Variants in SSBP4 observed in about 807,000 individuals in gnomAD.
SSBP4 encodes single stranded DNA binding protein 4, also known as single-stranded DNA-binding protein 4.
Under a neutral mutation model 64.6 loss-of-function variants are expected in SSBP4, and 33 were observed. The ratio of observed to expected loss-of-function variants is 0.51; its 90% CI spans 0.39 to 0.68. The LOEUF (loss-of-function observed/expected upper bound fraction) is 0.68. SSBP4 is among the 30% of genes least tolerant of loss of function. The probability of loss-of-function intolerance (pLI) is 0.00; values close to 1 mark genes in which losing one functional copy is unlikely to be tolerated. For synonymous variants in SSBP4, 243 were observed against 224.0 expected (o/e 1.08, Z -0.76); for missense variants, 583 against 566.8 (o/e 1.03, Z -0.29).
intron 4 of SSBP4, among the ~76,000 whole-genome samples, chr19:18,428,449 G>A (rs116198602): frequency 1.3e-3 from 200 of 152,290 alleles, no homozygotes; most frequent in African/African-American, 4.7e-3. Flanking sequence ...CAGGTATCTG[G>A]AGCTGCCCAC....
rs527720449 is a variant in SSBP4 at position 18,429,247 on chromosome 19, CG to C, written c.279+1273del. Among the ~76,000 whole-genome samples the C allele has an allele frequency of 7.7e-3, 1,151 of 149,900 alleles. 12 individuals are homozygous for C. The highest frequency in any genetic ancestry group is 0.013 in the African/African-American group (516 of 40,754). ...CGCCCTCCGAGGCGGGGGAGGGGGG[CG>C]GGGGGGGCTCTGTTCGCCCCTCCCC... is the stretch of plus-strand genomic sequence containing the variant. On this transcript the variant is annotated intron_variant, in intron 4 of 17. Coordinates refer to ENST00000270061, the MANE Select transcript of SSBP4 (RefSeq NM_032627.5).
chr19:18,431,395 C>T lies in SSBP4; in HGVS notation c.412C>T (p.Pro138Ser). ...SQPSPHNPNAPMMGPHGQPFM... is the reference protein window; with the variant it reads ...SQPSPHNPNASMMGPHGQPFM... ...GCCGTCCCCCCACAACCCCAACGCC[C>T]CCATGATGGGGCCTCACGGTCAGGT... Residue 138 changes from proline (P) to serine (S), a missense_variant, in exon 6 of 18, where the codon CCC becomes TCC. Physicochemically the swap from Pro to Ser is moderately conservative, Grantham distance 74. Coordinates refer to ENST00000270061, the MANE Select transcript of SSBP4 (RefSeq NM_032627.5). 1 of 1,511,554 alleles carries T rather than the reference C, an allele frequency of 6.6e-7. No homozygotes were observed. The highest frequency in any genetic ancestry group is 8.9e-7 in the Non-Finnish European group (1 of 1,119,428). 93.6% of individuals were successfully genotyped at this position (1,511,554 alleles called of 1,614,324 possible).
rs937856181 is a variant in SSBP4 at position 18,426,269 on chromosome 19, G to A, written c.60-1082G>A. Among the ~76,000 whole-genome samples the A allele has an allele frequency of 1.3e-5, 2 of 152,186 alleles. No homozygotes were observed. Among genetic ancestry groups the A allele is most frequent in the African/African-American group, 2.4e-5 (1 of 41,426 alleles). On this transcript the variant is annotated intron_variant, in intron 1 of 17. Coordinates refer to ENST00000270061, the MANE Select transcript of SSBP4 (RefSeq NM_032627.5). This position sits in a 1 kb window ranked among gnomAD's most constrained non-coding sequence, Gnocchi z 4.5. ...GATGGGGCCCGCAGCCAGAGAGGGCGGCGCAGCTGAGCTGGAGGCGGCTGT... is the reference window on the plus strand; with the variant it reads ...GATGGGGCCCGCAGCCAGAGAGGGCAGCGCAGCTGAGCTGGAGGCGGCTGT...
At chr19:18,417,575 G>C (rs1171473132), upstream of SSBP4, among the ~76,000 whole-genome samples, 4 of 152,178 alleles carry the variant, frequency 2.6e-5, no homozygotes, top group East Asian at 5.8e-4. This position sits in a 1 kb window ranked among gnomAD's most constrained non-coding sequence, Gnocchi z 5.4. Context: ...GAGTGACCTG[G>C]ACGCCGAAGC....
intron 4 of SSBP4, among the ~76,000 whole-genome samples, chr19:18,429,247 C>T (rs1239785590): frequency 6.7e-6 from 1 of 149,902 alleles, no homozygotes; most frequent in African/African-American, 2.5e-5. Flanking sequence ...GGGAGGGGGG[C>T]GGGGGGGGCT....
intron 4 of SSBP4, among the ~76,000 whole-genome samples, chr19:18,429,003 GAGAGTCGGCGTGAACGCGCTTCCC>G (rs1027018765): frequency 2.8e-4 from 42 of 152,216 alleles, no homozygotes; most frequent in Non-Finnish European, 8.8e-5. Flanking sequence ...GGCGGAGCTG[GAGAGTCGGCGTGAACGCGCTTCCC>G]AGGCGCGCAG....
chr19:18,408,010 G>T, the SSBP4 span, among the ~76,000 whole-genome samples: 1 of 152,192 alleles, frequency 6.6e-6, no homozygotes, highest in Non-Finnish European at 1.5e-5. Flanking sequence ...CTCCCAGAGT[G>T]CTGGGACTAC....
intron 10 of SSBP4, 53 bp from the exon 11 acceptor site, chr19:18,432,506 G>A: frequency 1.3e-6 from 2 of 1,530,708 alleles, no homozygotes; most frequent in Non-Finnish European, 8.8e-7. Context: ...TGTGGTGAGG[G>A]CTGTGATCCA....
At chr19:18,428,141 G>A (rs1335833861) in intron 4 of SSBP4, among the ~76,000 whole-genome samples, 159 bp downstream of exon 4, 1 of 152,100 alleles carries the variant, frequency 6.6e-6, no homozygotes, top group Non-Finnish European at 1.5e-5. Context: ...TCAGGCTCTT[G>A]GCCACTTTTG....
chr19:18,433,756 C>T lies in SSBP4; in HGVS notation c.1067C>T (p.Pro356Leu). The change falls in exon 17 of 18, where the codon CCG becomes CTG. Residue 356 changes from proline to leucine, a missense_variant. Coordinates refer to ENST00000270061, the MANE Select transcript of SSBP4 (RefSeq NM_032627.5). ...GGCCTGAGCAACGCCCCGGGCACCC[C>T]GCGGGACGACGGCGAGATGGCGGCC... ...VAGLSNAPGT[P>L]RDDGEMAAAG... The T allele has an allele frequency of 2.8e-6, 4 of 1,435,568 alleles. No homozygotes were observed. The highest frequency in any genetic ancestry group is 3.6e-6 in the Non-Finnish European group (4 of 1,101,116). 88.9% of individuals were successfully genotyped at this position (1,435,568 alleles called of 1,614,324 possible).
At chr19:18,433,937 G>C in intron 17 of SSBP4, 120 bp downstream of exon 17, 1 of 1,247,292 alleles carries the variant, frequency 8.0e-7, no homozygotes, top group Non-Finnish European at 1.0e-6. Flanking sequence ...GGCCAGGTGG[G>C]GGGGCGGCCG....
chr19:18,418,793 G>A (rs1422268243), upstream of SSBP4: 2 of 196,008 alleles, frequency 1.0e-5, no homozygotes, highest in Non-Finnish European at 1.9e-5. This position sits in a 1 kb window ranked among gnomAD's most constrained non-coding sequence, Gnocchi z 6.7. Context: ...CGTGGGCTCT[G>A]TCCACGGCTG....
At chr19:18,430,354 C>T (rs944561505) in intron 4 of SSBP4, among the ~76,000 whole-genome samples, 1 of 152,180 alleles carries the variant, frequency 6.6e-6, no homozygotes, top group Non-Finnish European at 1.5e-5. Context: ...AGCACCCTGT[C>T]TTGTCGCCTT....
Position 18,434,346 on chromosome 19 carries a change from T to C in SSBP4, c.*100T>C, listed in dbSNP as rs1973833985. On this transcript the variant is annotated 3_prime_UTR_variant, in exon 18 of 18. Coordinates refer to ENST00000270061, the MANE Select transcript of SSBP4 (RefSeq NM_032627.5). ...GTCACACCTCGGGCACCTGGACTCC[T>C]GGCCAATCAAGGCTTGCCCAGCTGG... The C allele has an allele frequency of 2.6e-6, 4 of 1,530,752 alleles. No individual in the cohort carries two copies. The highest frequency in any genetic ancestry group is 3.5e-6 in the Non-Finnish European group (4 of 1,142,112). 94.8% of individuals were successfully genotyped at this position (1,530,752 alleles called of 1,614,324 possible).
At chr19:18,422,978 C>T (rs901459850) in intron 1 of SSBP4, among the ~76,000 whole-genome samples, 7 of 152,236 alleles carry the variant, frequency 4.6e-5, no homozygotes, top group Non-Finnish European at 1.0e-4. Flanking sequence ...CCGGCTTACA[C>T]TAGGTCTCGG....
intron 17 of SSBP4, 173 bp downstream of exon 17, chr19:18,433,990 A>T: frequency 2.5e-6 from 2 of 805,900 alleles, no homozygotes; most frequent in Non-Finnish European, 2.9e-6. Context: ...ACCCCCCACC[A>T]CCTCCCGCTC....
intron 4 of SSBP4, among the ~76,000 whole-genome samples, chr19:18,429,998 C>CA (rs1386349655): frequency 6.6e-6 from 1 of 152,202 alleles, no homozygotes; most frequent in African/African-American, 2.4e-5. Flanking sequence ...GCAGAGTGCT[C>CA]AACCTCTCTG....
upstream of SSBP4, chr19:18,419,004 A>T: frequency 1.0e-6 from 1 of 985,546 alleles, no homozygotes; most frequent in Non-Finnish European, 1.2e-6. Flanking sequence ...TGAGACACCC[A>T]ATGTCACTGC....
chr19:18,416,370 G>T (rs1364322376), upstream of SSBP4, among the ~76,000 whole-genome samples: 1 of 152,140 alleles, frequency 6.6e-6, no homozygotes, highest in Non-Finnish European at 1.5e-5. Context: ...GAAGTGCAGT[G>T]GCACGATCAC....
Sources: allele counts gnomAD v4.1 joint callset (sites outside exome capture counted in the v4.1 genomes callset), GRCh38; gene constraint gnomAD v4.1.1; non-coding constraint Gnocchi (gnomAD v3.1); transcripts MANE v1.5; gene names NCBI Gene and HGNC (gene_info 2026-07-23, HGNC 2026-07-21).